Variants in TAFA4 observed in about 807,000 individuals in gnomAD.
The protein encoded by TAFA4 is chemokine-like protein TAFA-4.
In TAFA4, 20 loss-of-function variants were observed where a neutral mutation model predicts 21.1. That is an observed-to-expected ratio of 0.95 (90% CI 0.67 to 1.38). The LOEUF (loss-of-function observed/expected upper bound fraction) is 1.38, where lower values mean the gene tolerates loss of function less well. TAFA4 is among the 40% of genes most tolerant of loss of function. The pLI is 0.00. For synonymous variants in TAFA4, 71 were observed against 67.4 expected, an observed-to-expected ratio of 1.05 and a Z score of -0.26; for missense variants, 211 against 180.9, an observed-to-expected ratio of 1.17 and a Z score of -0.95.
At chr3:68,900,808 G>A (rs190461578) in intron 1 of TAFA4, among the ~76,000 whole-genome samples, 2 of 152,212 alleles carry the variant, frequency 1.3e-5, no homozygotes, top group African/African-American at 4.8e-5. Context: ...TAATAAATTT[G>A]GTTTTGCAAT....
chr3:68,785,797 G>A (rs1353031057), intron 3 of TAFA4, among the ~76,000 whole-genome samples: 1 of 152,272 alleles, frequency 6.6e-6, no homozygotes, highest in Non-Finnish European at 1.5e-5. Context: ...GTGAGCGAGA[G>A]TGAGCGAGGG....
At chr3:68,875,928 A>AAAAG (rs1553650294) in intron 3 of TAFA4, among the ~76,000 whole-genome samples, 1 of 151,844 alleles carries the variant, frequency 6.6e-6, no homozygotes, top group African/African-American at 2.4e-5. Context: ...AAAAAAAAAA[A>AAAAG]AGAGAGAGAG....
rs114925518 is a variant in TAFA4 at position 68,773,422 on chromosome 3, C to T, written c.131-20404G>A. Among the ~76,000 whole-genome samples, 1,326 of 152,288 alleles carry T rather than the reference C, an allele frequency of 8.7e-3. 20 individuals are homozygous for T. Among genetic ancestry groups the T allele is most frequent in the African/African-American group, 0.031 (1,281 of 41,564 alleles). On this transcript the variant is annotated intron_variant, in intron 3 of 5. Coordinates refer to ENST00000295569, the MANE Select transcript of TAFA4 (RefSeq NM_182522.5). ...TGTGTTCACCAATCAGGAAGTTCCACCAAGCTTTGGTGTCCAAAGTTTTTA... is the reference window on the plus strand; with the variant it reads ...TGTGTTCACCAATCAGGAAGTTCCATCAAGCTTTGGTGTCCAAAGTTTTTA...
intron 3 of TAFA4, among the ~76,000 whole-genome samples, chr3:68,858,148 C>G (rs1705112755): frequency 6.6e-6 from 1 of 152,124 alleles, no homozygotes; most frequent in African/African-American, 2.4e-5. Context: ...TCATCTGATT[C>G]ATCGCTTCTC....
At position 68,883,416 on chromosome 3, in the gene TAFA4, T is replaced by C. The variant is rs1190765768; in HGVS notation, c.14+1759A>G. 2.0e-5 allele frequency among the ~76,000 whole-genome samples: 3 copies of C among 152,178 alleles called. No homozygotes were observed. The East Asian group carries it at 5.8e-4, about 29-fold the overall frequency. On this transcript the variant is annotated intron_variant, in intron 2 of 5. Coordinates refer to ENST00000295569, the MANE Select transcript of TAFA4 (RefSeq NM_182522.5). Reference sequence around the variant, plus strand: ...ATTAGGTCAGCCCCACCCAGGATAGTCTCTCTTTTGATTAACTAAATTCAG... The same window carrying C: ...ATTAGGTCAGCCCCACCCAGGATAGCCTCTCTTTTGATTAACTAAATTCAG...
intron 3 of TAFA4, among the ~76,000 whole-genome samples, chr3:68,861,120 G>A (rs1169688907): frequency 6.9e-6 from 1 of 145,086 alleles, no homozygotes; most frequent in Non-Finnish European, 1.5e-5. Flanking sequence ...ACACTTACAT[G>A]GATGATCACC....
At chr3:68,777,754 A>T (rs143916411) in intron 3 of TAFA4, among the ~76,000 whole-genome samples, 40 of 152,306 alleles carry the variant, frequency 2.6e-4, no homozygotes, top group African/African-American at 8.9e-4. Context: ...GACGACATAG[A>T]CAATGGTGGA....
intron 3 of TAFA4, among the ~76,000 whole-genome samples, chr3:68,868,573 A>G (rs2089445618): frequency 6.6e-6 from 1 of 152,068 alleles, no homozygotes; most frequent in Non-Finnish European, 1.5e-5. Flanking sequence ...ACATTGGAAT[A>G]AACGTAGAAA....
At chr3:68,772,455 CA>C (rs1379981954) in intron 3 of TAFA4, among the ~76,000 whole-genome samples, 1 of 152,050 alleles carries the variant, frequency 6.6e-6, no homozygotes, top group Non-Finnish European at 1.5e-5. Flanking sequence ...AACAAAAAGG[CA>C]AAAGAAAGGT....
At chr3:68,858,865 T>A (rs78292406) in intron 3 of TAFA4, among the ~76,000 whole-genome samples, 6,126 of 152,088 alleles carry the variant, frequency 0.04, 414 homozygotes, top group African/African-American at 0.14. Context: ...AATTATTTTT[T>A]TCTTCATTCT....
At chr3:68,902,912 T>C (rs369316795) in intron 1 of TAFA4, among the ~76,000 whole-genome samples, 1 of 152,040 alleles carries the variant, frequency 6.6e-6, no homozygotes, top group East Asian at 1.9e-4. Context: ...GTTAGTAAAA[T>C]CACTTTCCAA....
At chr3:68,850,011 C>T (rs1014953185) in intron 3 of TAFA4, among the ~76,000 whole-genome samples, 2 of 152,120 alleles carry the variant, frequency 1.3e-5, no homozygotes, top group Non-Finnish European at 1.5e-5. Flanking sequence ...AAATGATTAC[C>T]ACAGTCAAGG....
intron 5 of TAFA4, among the ~76,000 whole-genome samples, chr3:68,737,568 C>G (rs1426858696): frequency 6.6e-6 from 1 of 152,112 alleles, no homozygotes; most frequent in Non-Finnish European, 1.5e-5. Flanking sequence ...CATTGATAAT[C>G]TGGGGTATAA....
intron 3 of TAFA4, among the ~76,000 whole-genome samples, chr3:68,858,987 G>A (rs939863379): frequency 3.9e-4 from 59 of 152,000 alleles, no homozygotes; most frequent in African/African-American, 1.4e-3. Flanking sequence ...CCATCTGCAA[G>A]AGTTGGGGTG....
chr3:68,836,816 G>C (rs977455256), intron 3 of TAFA4, among the ~76,000 whole-genome samples: 1 of 152,190 alleles, frequency 6.6e-6, no homozygotes, highest in Non-Finnish European at 1.5e-5. Flanking sequence ...TATGCTACCA[G>C]GGTTCAAGTC....
At chr3:68,872,351 G>A (rs779826508) in intron 3 of TAFA4, among the ~76,000 whole-genome samples, 1 of 152,064 alleles carries the variant, frequency 6.6e-6, no homozygotes, top group African/African-American at 2.4e-5. Context: ...GCTTAGAAAA[G>A]TAGATTTCAT....
chr3:68,883,439 C>T (rs2089639247), intron 2 of TAFA4, among the ~76,000 whole-genome samples: 2 of 152,326 alleles, frequency 1.3e-5, no homozygotes, highest in Middle Eastern at 3.4e-3. Flanking sequence ...TAACTAAATT[C>T]AGTGTATGTG....
At position 68,915,146 on chromosome 3, in the gene TAFA4, C is replaced by G. The variant is rs115616845; in HGVS notation, c.-123+17094G>C. Among the ~76,000 whole-genome samples the G allele has an allele frequency of 6.0e-4, 91 of 152,240 alleles. 1 individual carries two copies. The highest frequency in any genetic ancestry group is 2.0e-3 in the African/African-American group (82 of 41,538). ...ATGAAGTCACCTCCCTGTTCTAATT[C>G]TTTCGTACTAAGAGGCTATTCTCAA... On this transcript the variant is annotated intron_variant, in intron 1 of 5. Transcript: ENST00000295569.
chr3:68,858,443 C>G (rs1705120940), intron 3 of TAFA4, among the ~76,000 whole-genome samples: 1 of 151,908 alleles, frequency 6.6e-6, no homozygotes, highest in South Asian at 2.1e-4. Flanking sequence ...CTTGCTTTTC[C>G]CAATTGATGG....
Sources: gnomAD v4.1 joint callset for allele counts (sites outside exome capture counted in the v4.1 genomes callset) on GRCh38, gnomAD v4.1.1 for gene constraint, MANE v1.5 for transcripts, NCBI Gene and HGNC (gene_info 2026-07-23, HGNC 2026-07-21) for gene names.